ZNF385D: variants seen among roughly 807,000 people sequenced by gnomAD.
ZNF385D encodes zinc finger protein 385D, also known as zinc finger protein 659.
ZNF385D carries 15 observed loss-of-function variants against 35.8 expected under a neutral mutation model. The ratio of observed to expected loss-of-function variants is 0.42; its 90% CI spans 0.28 to 0.64. ZNF385D has a LOEUF of 0.64. Among genes scored for constraint, ZNF385D ranks in the 30% least tolerant of loss-of-function variants. The pLI, the probability that ZNF385D is intolerant of heterozygous loss-of-function variation, is 0.23. For synonymous variants in ZNF385D, 212 were observed against 186.8 expected (o/e 1.13, Z -1.10); for missense variants, 474 against 494.6 (o/e 0.96, Z 0.39).
intron 3 of ZNF385D, among the ~76,000 whole-genome samples, chr3:21,880,899 G>A (rs967563884): frequency 5.9e-5 from 9 of 151,756 alleles, no homozygotes; most frequent in Admixed American, 5.9e-4. Context: ...CTGGATAGAA[G>A]ATTAAACAAG....
chr3:21,893,056 A>G (rs530752908), intron 3 of ZNF385D, among the ~76,000 whole-genome samples: 6 of 152,314 alleles, frequency 3.9e-5, no homozygotes, highest in African/African-American at 1.4e-4. Context: ...TAGAATTTAG[A>G]GGTAAATAGG....
intron 2 of ZNF385D, among the ~76,000 whole-genome samples, chr3:22,225,507 G>C (rs1398683162): frequency 1.3e-5 from 2 of 152,160 alleles, no homozygotes; most frequent in East Asian, 1.9e-4. Context: ...ATATCCGTTA[G>C]TATGGATGCA....
At chr3:21,835,021 A>G (rs1463538690) in intron 3 of ZNF385D, among the ~76,000 whole-genome samples, 2 of 152,114 alleles carry the variant, frequency 1.3e-5, no homozygotes, top group Non-Finnish European at 2.9e-5. Context: ...TGACTAATAC[A>G]TACACTGACC....
chr3:22,260,329 A>G (rs1347541644), intron 2 of ZNF385D, among the ~76,000 whole-genome samples: 1 of 151,930 alleles, frequency 6.6e-6, no homozygotes, highest in Non-Finnish European at 1.5e-5. Flanking sequence ...GGGAAACATC[A>G]CACACCAGGG....
chr3:21,520,784 A>G (rs928948286), intron 3 of ZNF385D, among the ~76,000 whole-genome samples: 3 of 152,228 alleles, frequency 2.0e-5, no homozygotes, highest in African/African-American at 7.2e-5. Context: ...GGGTTATCTA[A>G]AAGACAAAAT....
At chr3:22,363,784 C>G (rs1483266430) in intron 2 of ZNF385D, among the ~76,000 whole-genome samples, 3 of 152,080 alleles carry the variant, frequency 2.0e-5, no homozygotes, top group Non-Finnish European at 4.4e-5. Flanking sequence ...ATGAGTGTCT[C>G]AATGCTTCAC....
At chr3:21,977,984 T>C (rs1057293984) in intron 3 of ZNF385D, among the ~76,000 whole-genome samples, 2 of 152,190 alleles carry the variant, frequency 1.3e-5, no homozygotes, top group Non-Finnish European at 2.9e-5. Flanking sequence ...CTGGAGGTAG[T>C]TGGTATAGCC....
At chr3:21,556,068 GTTTTTTT>G (rs148079775) in intron 3 of ZNF385D, among the ~76,000 whole-genome samples, 9 of 99,020 alleles carry the variant, frequency 9.1e-5, no homozygotes, top group African/African-American at 3.6e-4. Context: ...TTTTGTTTTT[GTTTTTTT>G]TTTTTTTTTT....
At chr3:21,586,469 C>A (rs1165373746) in intron 2 of ZNF385D, among the ~76,000 whole-genome samples, 1 of 152,034 alleles carries the variant, frequency 6.6e-6, no homozygotes, top group Non-Finnish European at 1.5e-5. Context: ...GCTGTATGTC[C>A]AATGCTTATG....
At chr3:21,945,578 G>T (rs1357690366) in intron 3 of ZNF385D, among the ~76,000 whole-genome samples, 1 of 152,124 alleles carries the variant, frequency 6.6e-6, no homozygotes, top group African/African-American at 2.4e-5. Flanking sequence ...CATAAAGTAG[G>T]TTGAACAAAT....
At chr3:21,957,367 C>A (rs1702347961) in intron 3 of ZNF385D, among the ~76,000 whole-genome samples, 1 of 152,060 alleles carries the variant, frequency 6.6e-6, no homozygotes, top group African/African-American at 2.4e-5. Flanking sequence ...GAGGTTGGAA[C>A]AGATTGGAGC....
At chr3:21,999,847 A>T (rs1695725945) in intron 3 of ZNF385D, among the ~76,000 whole-genome samples, 1 of 152,152 alleles carries the variant, frequency 6.6e-6, no homozygotes, top group South Asian at 2.1e-4. Context: ...ACACCATAAA[A>T]TGACCACATA....
intron 3 of ZNF385D, among the ~76,000 whole-genome samples, chr3:22,090,302 T>C (rs1427519484): frequency 6.6e-6 from 1 of 152,164 alleles, no homozygotes; most frequent in Non-Finnish European, 1.5e-5. Flanking sequence ...TACTGGGAAA[T>C]GGGATACTAG....
chr3:21,817,309 G>A (rs962606884), intron 3 of ZNF385D, among the ~76,000 whole-genome samples: 26 of 152,148 alleles, frequency 1.7e-4, no homozygotes, highest in Admixed American at 1.6e-3. Flanking sequence ...AAAAGCAATG[G>A]CAACAAAAGC....
At chr3:22,194,415 A>G (rs1696266599) in intron 2 of ZNF385D, among the ~76,000 whole-genome samples, 1 of 151,742 alleles carries the variant, frequency 6.6e-6, no homozygotes, top group Non-Finnish European at 1.5e-5. Context: ...TAGTCCTTAA[A>G]TTTTCATTTT....
rs141019479 is a variant in ZNF385D, at chr3:21,899,024, G to C, written c.326-233996C>G. 1.8e-4 allele frequency among the ~76,000 whole-genome samples: 27 copies of C among 152,230 alleles called. 1 individual carries two copies. In the East Asian group the frequency reaches 5.2e-3, roughly 29 times the overall value. ...ATAATATTCACATTAGGGCAAAGTT[G>C]AGTTATTCCCTCAGACAATAGTTCC... is the stretch of plus-strand genomic sequence containing the variant. On this transcript the variant is annotated intron_variant, in intron 3 of 5. Transcript: ENST00000494108.
intron 3 of ZNF385D, among the ~76,000 whole-genome samples, chr3:22,033,498 G>A (rs529958657): frequency 1.3e-5 from 2 of 151,356 alleles, no homozygotes; most frequent in South Asian, 4.2e-4. Context: ...TCTTTTTGAA[G>A]GAAAAGGAAT....
chr3:21,954,237 T>C (rs1702188129), intron 3 of ZNF385D, among the ~76,000 whole-genome samples: 1 of 151,830 alleles, frequency 6.6e-6, no homozygotes, highest in Admixed American at 6.6e-5. Flanking sequence ...AATGACAACT[T>C]CAATGCCTGA....
chr3:21,521,542 C>T (rs1315051022), intron 3 of ZNF385D, among the ~76,000 whole-genome samples: 1 of 152,100 alleles, frequency 6.6e-6, no homozygotes, highest in African/African-American at 2.4e-5. Context: ...CACTTGAAGC[C>T]AGGATTTTGA....
Sources: allele counts gnomAD v4.1 joint callset (sites outside exome capture counted in the v4.1 genomes callset), GRCh38; gene constraint gnomAD v4.1.1; transcripts MANE v1.5; gene names NCBI Gene and HGNC (gene_info 2026-07-23, HGNC 2026-07-21).